The following MS4A8 variants were observed in gnomAD, a reference collection of about 807,000 sequenced individuals.
MS4A8 encodes the protein membrane-spanning 4-domains subfamily A member 8.
MS4A8 carries 27 observed loss-of-function variants against 23.7 expected under a neutral mutation model. The observed-to-expected ratio is 1.14, with a 90% CI of 0.84 to 1.57. MS4A8 has a LOEUF of 1.57. MS4A8 is among the 40% of genes most tolerant of loss of function. MS4A8 has a pLI of 0.00. For missense variants in MS4A8, 301 were observed against 311.4 expected (o/e 0.97, Z 0.25); for synonymous variants, 138 against 126.3 (o/e 1.09, Z -0.62).
intron 1 of MS4A8, 100 bp from the exon 2 acceptor site, chr11:60,700,760 G>C (rs1187554103): frequency 7.1e-6 from 8 of 1,129,616 alleles, no homozygotes; most frequent in African/African-American, 1.5e-5. Flanking sequence ...TAAACTTGTA[G>C]AGGGTTAAGA....
chr11:60,703,694 C>T (rs2088227177), intron 3 of MS4A8, among the ~76,000 whole-genome samples, 194 bp downstream of exon 3: 1 of 152,222 alleles, frequency 6.6e-6, no homozygotes, highest in African/African-American at 2.4e-5. Flanking sequence ...CAGAGTATAG[C>T]ACCACAGGTT....
chr11:60,705,476 T>C (rs1055262855), intron 3 of MS4A8, among the ~76,000 whole-genome samples: 1 of 152,246 alleles, frequency 6.6e-6, no homozygotes, highest in Non-Finnish European at 1.5e-5. Context: ...TGCTGCCTTC[T>C]TGATCCCAGG....
At chr11:60,705,606 A>G (rs2088249510) in intron 3 of MS4A8, among the ~76,000 whole-genome samples, 1 of 152,222 alleles carries the variant, frequency 6.6e-6, no homozygotes, top group Non-Finnish European at 1.5e-5. Flanking sequence ...TCCCCATCAA[A>G]TCTCTATAAA....
At chr11:60,707,990 C>A (rs1185203534) in intron 4 of MS4A8, among the ~76,000 whole-genome samples, 1 of 151,594 alleles carries the variant, frequency 6.6e-6, no homozygotes, top group Non-Finnish European at 1.5e-5. Flanking sequence ...CCACCATGCC[C>A]AGCTAATTAT....
chr11:60,710,137 T>A (rs1214021825), intron 5 of MS4A8, among the ~76,000 whole-genome samples: 1 of 152,176 alleles, frequency 6.6e-6, no homozygotes, highest in Non-Finnish European at 1.5e-5. Context: ...TTTTTCCCAA[T>A]CTCTTAGGCT....
intron 5 of MS4A8, among the ~76,000 whole-genome samples, chr11:60,710,013 T>C (rs1205854824): frequency 6.6e-6 from 1 of 152,106 alleles, no homozygotes. Context: ...AAACACCTGC[T>C]CTTCTCCAAA....
At chr11:60,709,449 C>T (rs775297708) in intron 5 of MS4A8, among the ~76,000 whole-genome samples, 9 of 152,148 alleles carry the variant, frequency 5.9e-5, no homozygotes, top group African/African-American at 9.7e-5. Context: ...TATTTAACCC[C>T]GTATATCTAA....
chr11:60,701,910 T>C (rs1264792658), intron 2 of MS4A8, among the ~76,000 whole-genome samples: 1 of 152,214 alleles, frequency 6.6e-6, no homozygotes, highest in Non-Finnish European at 1.5e-5. Context: ...GTAGTGGAGC[T>C]ATGAAAAGAA....
chr11:60,701,066 G>A lies in MS4A8; in HGVS notation c.206G>A (p.Gly69Asp). The change falls in exon 2 of 7, where the codon GGC becomes GAC. Residue 69 changes from glycine to aspartate, a missense_variant. Transcript: ENST00000300226. ...GQPVQKALKE[G>D]KTLGAIQIII... Reference sequence around the variant, plus strand: ...CCTGTGCAGAAAGCTCTGAAAGAAGGCAAAACCTTGGGGGTAAGTGAGATT... The same window carrying A: ...CCTGTGCAGAAAGCTCTGAAAGAAGACAAAACCTTGGGGGTAAGTGAGATT... The A allele has an allele frequency of 6.2e-7, 1 of 1,614,108 alleles. No homozygotes were observed. The highest frequency in any genetic ancestry group is 8.5e-7 in the Non-Finnish European group (1 of 1,180,010).
chr11:60,700,326 G>A (rs772805929), intron 1 of MS4A8, among the ~76,000 whole-genome samples: 3 of 152,114 alleles, frequency 2.0e-5, no homozygotes, highest in East Asian at 1.9e-4. Flanking sequence ...CAAGCGGATC[G>A]CCTGAGGTCA....
At chr11:60,706,839 C>T (rs2088259801) in intron 3 of MS4A8, 149 bp from the exon 4 acceptor site, 2 of 649,700 alleles carry the variant, frequency 3.1e-6, no homozygotes, top group Admixed American at 2.3e-5. Context: ...CCTTTTCAGG[C>T]AGTGCAAAAC....
At chr11:60,714,700 A>C (rs1590956471) in intron 5 of MS4A8, among the ~76,000 whole-genome samples, 1 of 151,984 alleles carries the variant, frequency 6.6e-6, no homozygotes, top group African/African-American at 2.4e-5. Context: ...CGGCCTCCCC[A>C]GAGCAGTGTC....
intron 5 of MS4A8, chr11:60,711,789 G>A (rs2088302466): frequency 4.4e-6 from 2 of 456,018 alleles, no homozygotes; most frequent in South Asian, 3.1e-5. Flanking sequence ...AGTAGAGGGA[G>A]CAGCAATTTT....
chr11:60,708,332 C>A (rs1031691255), intron 4 of MS4A8, among the ~76,000 whole-genome samples: 1 of 152,196 alleles, frequency 6.6e-6, no homozygotes, highest in Non-Finnish European at 1.5e-5. Context: ...TCAAAGCTAA[C>A]TTACCCCAAA....
chr11:60,715,117 T>A lies in MS4A8; in HGVS notation c.631T>A (p.Cys211Ser). The change falls in exon 6 of 7, where the codon TGC becomes AGC. Residue 211 changes from cysteine to serine, a missense_variant. Transcript: ENST00000300226. ...TTCCCACTTTGGCTGCCAGTTGGTC[T>A]GCTGTCAATCAAGCAATGTGAGTCC... ...ASSHFGCQLV[C>S]CQSSNVSVIY... is the part of the protein sequence containing the mutation. 1 of 1,613,796 alleles carries A rather than the reference T, an allele frequency of 6.2e-7. No individual in the cohort carries two copies. Among genetic ancestry groups the A allele is most frequent in the Non-Finnish European group, 8.5e-7 (1 of 1,179,682 alleles).
Position 60,703,499 on chromosome 11 carries a change from G to A in MS4A8, c.341G>A (p.Trp114Ter). The change falls in exon 3 of 7, where the codon TGG becomes TAG. Residue 114 changes from tryptophan to a stop codon, truncating the protein, a stop_gained and splice_region_variant. Transcript: ENST00000300226. LOFTEE classifies it high-confidence loss of function. ...GGCTTTCCCTTCTGGGGAGGCTTGT[G>A]GGTGAGTAACTCAAGTCCTCCTGCC... ...YGGFPFWGGL[W>*]FIISGSLSVA... is the part of the protein sequence containing the mutation. 6.2e-7 allele frequency: 1 copy of A among 1,607,178 alleles called. No individual in the cohort carries two copies. The highest frequency in any genetic ancestry group is 1.7e-5 in the Admixed American group (1 of 58,862).
intron 5 of MS4A8, chr11:60,711,826 T>C: frequency 2.2e-6 from 1 of 456,168 alleles, no homozygotes; most frequent in Non-Finnish European, 4.4e-6. Context: ...GCTTTTAATC[T>C]TAGTTCTGCC....
In MS4A8 at chr11:60,703,434, G is replaced by T; in HGVS notation, c.276G>T (p.Thr92=). Residue 92 remains threonine (T), a synonymous_variant, in exon 3 of 7, where the codon ACG becomes ACT. Transcript: ENST00000300226. The part of the protein sequence containing the change: ...AHIGLGSIMA[T]VLVGEYLSIS... ...TCGGCCTCGGCTCCATCATGGCGAC[G>T]GTTCTCGTAGGGGAATACCTGTCTA... The T allele has an allele frequency of 1.2e-6, 2 of 1,605,526 alleles. No homozygotes were observed. The highest frequency in any genetic ancestry group is 1.1e-5 in the South Asian group (1 of 89,464).
intron 5 of MS4A8, among the ~76,000 whole-genome samples, chr11:60,710,071 C>T (rs2088287853): frequency 6.6e-6 from 1 of 152,184 alleles, no homozygotes; most frequent in African/African-American, 2.4e-5. Context: ...CTTTGCTTGA[C>T]TTCCAGGCTC....
Sources: allele counts gnomAD v4.1 joint callset (sites outside exome capture counted in the v4.1 genomes callset), GRCh38; gene constraint gnomAD v4.1.1; transcripts MANE v1.5; gene names NCBI Gene and HGNC (gene_info 2026-07-23, HGNC 2026-07-21).